Variants in DLG2 observed in about 807,000 individuals in gnomAD.
DLG2 encodes the protein discs large MAGUK scaffold protein 2, also known as disks large homolog 2.
A neutral mutation model predicts 132.5 loss-of-function variants in DLG2; 45 were observed. The ratio of observed to expected loss-of-function variants is 0.34; its 90% confidence interval spans 0.27 to 0.44. The LOEUF (loss-of-function observed/expected upper bound fraction) is 0.44, where lower values mean the gene tolerates loss of function less well. DLG2 is among the 20% of genes least tolerant of loss of function. The pLI, the probability that DLG2 is intolerant of heterozygous loss-of-function variation, is 1.00. For missense variants in DLG2, 1,045 were observed against 1,196.9 expected (o/e 0.87, Z 1.87); for synonymous variants, 424 against 419.6 (o/e 1.01, Z -0.13).
intron 6 of DLG2, among the ~76,000 whole-genome samples, chr11:84,638,208 C>T (rs556774832): frequency 7.2e-5 from 11 of 152,314 alleles, no homozygotes; most frequent in African/African-American, 2.4e-4. Flanking sequence ...TAAGGAAGAA[C>T]ATCAATTGTA....
At chr11:84,453,070 T>C (rs1367752500) in intron 7 of DLG2, among the ~76,000 whole-genome samples, 1 of 151,098 alleles carries the variant, frequency 6.6e-6, no homozygotes, top group Non-Finnish European at 1.5e-5. Flanking sequence ...GTATAAATTT[T>C]CAAAAAAAAA....
At chr11:85,376,689 C>T (rs188438419) in intron 3 of DLG2, among the ~76,000 whole-genome samples, 43 of 152,214 alleles carry the variant, frequency 2.8e-4, no homozygotes, top group Middle Eastern at 3.4e-3. Context: ...AAATTCCTTA[C>T]GGTATTTCAA....
chr11:83,849,426 G>A (rs1479363543), intron 16 of DLG2, among the ~76,000 whole-genome samples: 1 of 151,612 alleles, frequency 6.6e-6, no homozygotes, highest in Non-Finnish European at 1.5e-5. Context: ...TATAGATGAA[G>A]ATTATTATGA....
chr11:84,254,495 G>A (rs1444174087), intron 7 of DLG2, among the ~76,000 whole-genome samples: 1 of 152,092 alleles, frequency 6.6e-6, no homozygotes, highest in East Asian at 1.9e-4. Context: ...TTGACTAAAG[G>A]TAGTGATAAA....
At chr11:85,536,083 G>A (rs149547572) in intron 3 of DLG2, among the ~76,000 whole-genome samples, 1 of 151,850 alleles carries the variant, frequency 6.6e-6, no homozygotes, top group Non-Finnish European at 1.5e-5. Context: ...CTGGCAAGGT[G>A]GCACACACCT....
At chr11:84,533,475 G>A (rs554447199) in intron 7 of DLG2, among the ~76,000 whole-genome samples, 1 of 152,032 alleles carries the variant, frequency 6.6e-6, no homozygotes, top group Non-Finnish European at 1.5e-5. Context: ...AATATTTACT[G>A]GAATTTGATA....
At chr11:84,059,542 T>C in intron 10 of DLG2, 58 bp from the exon 11 acceptor site, 1 of 1,309,090 alleles carries the variant, frequency 7.6e-7, no homozygotes, top group Non-Finnish European at 1.0e-6. Flanking sequence ...TCTTAAAGAA[T>C]ATTATTATGT....
At chr11:84,772,980 C>T (rs981412536) in intron 6 of DLG2, among the ~76,000 whole-genome samples, 2 of 151,712 alleles carry the variant, frequency 1.3e-5, no homozygotes, top group African/African-American at 2.4e-5. Context: ...AAAATCCACA[C>T]AAAGAATCAA....
intron 3 of DLG2, among the ~76,000 whole-genome samples, chr11:85,550,341 T>G (rs1011081605): frequency 2.0e-5 from 3 of 152,196 alleles, no homozygotes; most frequent in Non-Finnish European, 4.4e-5. Flanking sequence ...CCTGGGGCTT[T>G]GGGAGCTGCA....
chr11:85,221,607 C>A (rs905005943), intron 4 of DLG2, among the ~76,000 whole-genome samples: 32 of 152,182 alleles, frequency 2.1e-4, no homozygotes, highest in African/African-American at 7.7e-4. Context: ...AAGTTCTTTG[C>A]CAAGGTAACA....
chr11:85,334,897 CTGT>C (rs975707487), intron 3 of DLG2, among the ~76,000 whole-genome samples: 1 of 152,012 alleles, frequency 6.6e-6, no homozygotes, highest in Admixed American at 6.6e-5. Flanking sequence ...AATGTATATT[CTGT>C]TGTTGTTGGG....
chr11:85,191,164 A>ACC (rs1411375137), intron 4 of DLG2, among the ~76,000 whole-genome samples: 1 of 91,122 alleles, frequency 1.1e-5, no homozygotes, highest in Non-Finnish European at 2.4e-5. Flanking sequence ...GCACGCGCGC[A>ACC]CACACACACA....
chr11:84,097,510 G>A (rs1206395562), intron 10 of DLG2, among the ~76,000 whole-genome samples: 1 of 152,052 alleles, frequency 6.6e-6, no homozygotes, highest in East Asian at 1.9e-4. Context: ...TATGCTTTCT[G>A]TATTCAGAGT....
intron 3 of DLG2, among the ~76,000 whole-genome samples, chr11:85,430,298 C>G (rs959530475): frequency 6.6e-6 from 1 of 151,518 alleles, no homozygotes; most frequent in Non-Finnish European, 1.5e-5. Context: ...CACATATATA[C>G]ATATGTAACT....
intron 3 of DLG2, among the ~76,000 whole-genome samples, chr11:85,372,552 G>A (rs2085072045): frequency 6.6e-6 from 1 of 152,216 alleles, no homozygotes; most frequent in African/African-American, 2.4e-5. Flanking sequence ...CACAGTGCAG[G>A]TGAGCGTGGC....
intron 19 of DLG2, among the ~76,000 whole-genome samples, chr11:83,625,123 G>A (rs950625985): frequency 6.6e-6 from 1 of 152,196 alleles, no homozygotes; most frequent in African/African-American, 2.4e-5. Context: ...AAATACCACT[G>A]TCAGCTAGCC....
At chr11:84,008,273 C>T (rs1448148747) in intron 11 of DLG2, among the ~76,000 whole-genome samples, 1 of 151,852 alleles carries the variant, frequency 6.6e-6, no homozygotes, top group Non-Finnish European at 1.5e-5. Flanking sequence ...TCCAGTTACT[C>T]TACCTTATGC....
At chr11:84,404,262 G>A (rs899603000) in intron 7 of DLG2, among the ~76,000 whole-genome samples, 3 of 151,666 alleles carry the variant, frequency 2.0e-5, no homozygotes, top group African/African-American at 7.3e-5. Flanking sequence ...GTCCTTTTTT[G>A]TCTTAGGGCC....
chr11:84,229,216 A>T (rs1395442338), intron 8 of DLG2, among the ~76,000 whole-genome samples: 1 of 152,236 alleles, frequency 6.6e-6, no homozygotes, highest in Non-Finnish European at 1.5e-5. Flanking sequence ...TGATGCTGGC[A>T]GGTATCCCTG....
Sources: gnomAD v4.1 joint callset for allele counts (sites outside exome capture counted in the v4.1 genomes callset) on GRCh38, gnomAD v4.1.1 for gene constraint, MANE v1.5 for transcripts, NCBI Gene and HGNC (gene_info 2026-07-23, HGNC 2026-07-21) for gene names.